Variants in HPSE2 observed in about 807,000 individuals in gnomAD.
The protein encoded by HPSE2 is heparanase 2 (inactive).
In HPSE2, 38 loss-of-function variants were observed where a neutral mutation model predicts 60.5. The observed-to-expected ratio is 0.63, with a 90% CI of 0.48 to 0.82. The LOEUF is 0.82. Ranked by LOEUF, HPSE2 falls within the 40% of genes least tolerant of loss-of-function variation. The pLI is 0.00. For synonymous variants in HPSE2, 295 were observed against 293.2 expected (o/e 1.01, Z -0.06); for missense variants, 713 against 740.4 (o/e 0.96, Z 0.43).
intron 3 of HPSE2, among the ~76,000 whole-genome samples, chr10:99,043,084 A>C (rs988444462): frequency 6.6e-6 from 1 of 152,216 alleles, no homozygotes; most frequent in Non-Finnish European, 1.5e-5. Context: ...TTAAAGGGAC[A>C]CCGACCCTCC....
At chr10:98,900,008 C>T (rs1361603012) in intron 3 of HPSE2, among the ~76,000 whole-genome samples, 1 of 152,008 alleles carries the variant, frequency 6.6e-6, no homozygotes, top group Non-Finnish European at 1.5e-5. Context: ...GTCTCAAACT[C>T]CTGGTATTCT....
rs1957230815 is a variant in HPSE2, at chr10:99,020,162, C to T, written c.610+124076G>A. ...ATTTTTCATAATTACTTATTGAGCACTTACTCTACATCAGGCATTATACTA... is the reference window on the plus strand; with the variant it reads ...ATTTTTCATAATTACTTATTGAGCATTTACTCTACATCAGGCATTATACTA... On this transcript the variant is annotated intron_variant, in intron 3 of 11. Transcript: ENST00000370552. 3.9e-5 allele frequency among the ~76,000 whole-genome samples: 6 copies of T among 152,088 alleles called. No individual in the cohort carries two copies. In the South Asian group the frequency reaches 1.0e-3, roughly 26 times the overall value.
chr10:99,026,049 A>G (rs1475791802), intron 3 of HPSE2, among the ~76,000 whole-genome samples: 1 of 152,112 alleles, frequency 6.6e-6, no homozygotes, highest in African/African-American at 2.4e-5. Flanking sequence ...ACAGGAAGGA[A>G]AAAAAAGAAG....
chr10:98,996,328 T>C (rs1441709271), intron 3 of HPSE2, among the ~76,000 whole-genome samples: 1 of 152,158 alleles, frequency 6.6e-6, no homozygotes, highest in East Asian at 1.9e-4. Flanking sequence ...CCCATTAGAA[T>C]CAGTAAAAAA....
chr10:98,696,292 T>TA (rs71009706), intron 5 of HPSE2, among the ~76,000 whole-genome samples: 25,453 of 88,236 alleles, frequency 0.29, 5,934 homozygotes, highest in Non-Finnish European at 0.39. Context: ...GAGGCTCCCA[T>TA]AAAAAAAAAA....
chr10:98,482,910 T>C (rs1424063965), intron 10 of HPSE2, 128 bp from the exon 11 acceptor site: 6 of 927,180 alleles, frequency 6.5e-6, no homozygotes, highest in South Asian at 2.9e-5. Flanking sequence ...TTGGCCACCA[T>C]AGACCCTAAA....
the HPSE2 span, among the ~76,000 whole-genome samples, chr10:99,305,979 G>GCGCACCCACACACACACA: frequency 1.2e-5 from 1 of 80,580 alleles, no homozygotes; most frequent in Non-Finnish European, 2.4e-5. Flanking sequence ...GCGCGCGCGC[G>GCGCACCCACACACACACA]CACACACACA....
In HPSE2 at chr10:98,618,675, C is replaced by T. The variant is rs147364666; in HGVS notation, c.1205+1927G>A. Among the ~76,000 whole-genome samples the T allele has an allele frequency of 6.0e-4, 91 of 152,304 alleles. 1 individual carries two copies. The highest frequency in any genetic ancestry group is 2.1e-3 in the African/African-American group (88 of 41,566). On this transcript the variant is annotated intron_variant, in intron 8 of 11. Coordinates refer to ENST00000370552, the MANE Select transcript of HPSE2 (RefSeq NM_021828.5). The stretch of plus-strand genomic sequence containing the variant: ...CACTGCAACCTCTGCTACCCAGATT[C>T]AAGCAATTCTCCCGCCTCAGCCTCC...
In HPSE2 at chr10:98,458,792, T is replaced by G. The variant is rs1940155764; in HGVS notation, c.*782A>C. 6.5e-6 allele frequency: 1 copy of G among 153,284 alleles called. No homozygotes were observed. Among genetic ancestry groups the G allele is most frequent in the Non-Finnish European group, 1.5e-5 (1 of 68,816 alleles). The allele number at this position is 153,284 out of a possible 1,614,324, so 9.5% of individuals were successfully genotyped here. On this transcript the variant is annotated 3_prime_UTR_variant, in exon 12 of 12. Coordinates refer to ENST00000370552, the MANE Select transcript of HPSE2 (RefSeq NM_021828.5). ...AATGATGACTACTTTTTGTTGTGCC[T>G]AATAAACTGCTCTCCACTCAATGAA...
At chr10:98,831,970 T>C (rs1951694074) in intron 3 of HPSE2, among the ~76,000 whole-genome samples, 1 of 152,144 alleles carries the variant, frequency 6.6e-6, no homozygotes, top group Non-Finnish European at 1.5e-5. Flanking sequence ...CGCTGATAGG[T>C]TTGATCCCTT....
chr10:98,754,995 A>G (rs980110771), intron 3 of HPSE2, among the ~76,000 whole-genome samples: 3 of 107,622 alleles, frequency 2.8e-5, no homozygotes, highest in Non-Finnish European at 7.3e-5. Context: ...AGCTAATAAC[A>G]AGATGACAGG....
At chr10:98,944,269 C>T (rs1238822404) in intron 3 of HPSE2, among the ~76,000 whole-genome samples, 7 of 152,080 alleles carry the variant, frequency 4.6e-5, no homozygotes, top group African/African-American at 1.7e-4. Flanking sequence ...AGCAAGAGGA[C>T]AGCAAGGAGG....
rs574586714 is a variant in HPSE2, at chr10:98,856,956, T to G, written c.611-112900A>C. On this transcript the variant is annotated intron_variant, in intron 3 of 11. Coordinates refer to ENST00000370552, the MANE Select transcript of HPSE2 (RefSeq NM_021828.5). ...CTCAGTGACCCGATGGGCAATCTAG[T>G]TTTTCCACAATATGGATAATATCTT... is the stretch of plus-strand genomic sequence containing the variant. Among the ~76,000 whole-genome samples the G allele has an allele frequency of 1.2e-3, 177 of 152,278 alleles. 2 individuals are homozygous for G. Among genetic ancestry groups the G allele is most frequent in the African/African-American group, 4.1e-3 (169 of 41,562 alleles).
At chr10:98,805,607 AATG>A (rs1247892858) in intron 3 of HPSE2, among the ~76,000 whole-genome samples, 2 of 152,182 alleles carry the variant, frequency 1.3e-5, no homozygotes, top group African/African-American at 4.8e-5. Context: ...TTGCACTGTT[AATG>A]ATAAGAAATA....
At chr10:99,092,265 T>C (rs891765425) in intron 3 of HPSE2, among the ~76,000 whole-genome samples, 2 of 152,186 alleles carry the variant, frequency 1.3e-5, no homozygotes, top group African/African-American at 4.8e-5. Flanking sequence ...AATTTTACTA[T>C]ATGATAAACA....
the HPSE2 span, among the ~76,000 whole-genome samples, chr10:99,305,972 C>CGT: frequency 3.4e-3 from 432 of 125,988 alleles, 1 homozygote; most frequent in East Asian, 0.017. Flanking sequence ...CGCGCGCGCG[C>CGT]GCGCGCGCAC....
intron 2 of HPSE2, among the ~76,000 whole-genome samples, chr10:99,197,093 CATT>C (rs1005167433): frequency 5.3e-5 from 8 of 152,128 alleles, no homozygotes; most frequent in African/African-American, 1.7e-4. Context: ...AAATAGAAAT[CATT>C]ATGTTAAGTG....
intron 3 of HPSE2, among the ~76,000 whole-genome samples, chr10:98,940,707 G>A (rs1954967567): frequency 7.1e-6 from 1 of 141,466 alleles, no homozygotes; most frequent in Non-Finnish European, 1.5e-5. Context: ...AATAGAAAAA[G>A]AGGGAATCCT....
intron 10 of HPSE2, among the ~76,000 whole-genome samples, chr10:98,484,371 G>C (rs1941362305): frequency 6.6e-6 from 1 of 152,210 alleles, no homozygotes; most frequent in Admixed American, 6.5e-5. Flanking sequence ...CCTGGTAGCT[G>C]AGATTACAGG....
Sources: allele counts gnomAD v4.1 joint callset (sites outside exome capture counted in the v4.1 genomes callset), GRCh38; gene constraint gnomAD v4.1.1; transcripts MANE v1.5; gene names NCBI Gene and HGNC (gene_info 2026-07-23, HGNC 2026-07-21).